COL12A1: variants seen among roughly 807,000 people sequenced by gnomAD.
COL12A1 encodes the protein collagen alpha-1(XII) chain.
In COL12A1, 114 loss-of-function variants were observed where a neutral mutation model predicts 349.7. That is an observed-to-expected ratio of 0.33 (90% CI 0.28 to 0.38). COL12A1 has a LOEUF of 0.38. Among genes scored for constraint, COL12A1 ranks in the 10% least tolerant of loss-of-function variants. COL12A1 has a pLI of 1.00. For synonymous variants in COL12A1, 1,369 were observed against 1,329.0 expected, an observed-to-expected ratio of 1.03 and a Z score of -0.66; for missense variants, 3,284 against 3,756.9, an observed-to-expected ratio of 0.87 and a Z score of 3.29.
chr6:75,199,782 CTT>C (rs897655498), intron 2 of COL12A1, among the ~76,000 whole-genome samples: 1 of 152,168 alleles, frequency 6.6e-6, no homozygotes, highest in African/African-American at 2.4e-5. Context: ...CATTTCCACT[CTT>C]ATTTCTATAG....
intron 13 of COL12A1, among the ~76,000 whole-genome samples, chr6:75,169,603 G>A (rs1768519613): frequency 6.6e-6 from 1 of 151,802 alleles, no homozygotes; most frequent in Non-Finnish European, 1.5e-5. Context: ...GTTTGTTTAG[G>A]GTTTTTTTTG....
chr6:75,097,283 T>C lies in COL12A1; in HGVS notation c.8547A>G (p.Ala2849=), dbSNP rs1768091274. 6.2e-7 allele frequency: 1 copy of C among 1,613,864 alleles called. No individual in the cohort carries two copies. The highest frequency in any genetic ancestry group is 1.3e-5 in the African/African-American group (1 of 74,922). The stretch of plus-strand genomic sequence containing the variant: ...GCCCTGGTGGGCCCCTGGGTCCCAT[T>C]GCACCGTCTTTTCCAGTGAAGCCCT... ...GDRGFTGKDG[A]MGPRGPPGPP... is the part of the protein sequence containing the mutation. Residue 2849 remains alanine (A), a synonymous_variant, in exon 59 of 66, where the codon GCA becomes GCG. Coordinates refer to ENST00000322507, the MANE Select transcript of COL12A1 (RefSeq NM_004370.6).
intron 43 of COL12A1, among the ~76,000 whole-genome samples, chr6:75,121,741 A>G (rs1765744466): frequency 6.6e-6 from 1 of 152,222 alleles, no homozygotes; most frequent in Non-Finnish European, 1.5e-5. Context: ...CAAAGATACA[A>G]TCTTACTTAA....
Position 75,151,987 on chromosome 6 carries a change from C to G in COL12A1, c.3880G>C (p.Ala1294Pro). 1 of 1,613,888 alleles carries G rather than the reference C, an allele frequency of 6.2e-7. No individual in the cohort carries two copies. Among genetic ancestry groups the G allele is most frequent in the East Asian group, 2.2e-5 (1 of 44,876 alleles). The change falls in exon 20 of 66, where the codon GCT (alanine) becomes CCT (proline). Residue 1294 changes from alanine (A) to proline (P), a missense_variant. Physicochemically the swap from Ala to Pro is conservative, Grantham distance 27. Around this residue, in one of 2 missense-constraint regions of COL12A1, gnomAD observed 2,601 missense variants for 2,824.8 expected, o/e 0.92. Coordinates refer to ENST00000322507, the MANE Select transcript of COL12A1 (RefSeq NM_004370.6). ...TTTCGAGCTCGAGGTCTCATGCCAG[C>G]TTGGGTCCTGAAGTTCTGTTGGCGA... ...FIRQQNFRTQ[A>P]GMRPRARKIG...
In COL12A1 at chr6:75,183,410, G is replaced by A. The variant is rs751220055; in HGVS notation, c.1531C>T (p.Pro511Ser). The stretch of plus-strand genomic sequence containing the variant: ...GTATTTGTAGATCCTCCTCTGTAAG[G>A]GAAGGTGTTTATTGCTTCAATTATA... The part of the protein sequence containing the change: ...EDIIEAINTF[P>S]YRGGSTNTGK... Residue 511 changes from proline (P) to serine (S), a missense_variant, in exon 10 of 66, where the codon CCT becomes TCT. Physicochemically the swap from Pro to Ser is moderately conservative, Grantham distance 74. Around this residue, in one of 2 missense-constraint regions of COL12A1, gnomAD observed 2,601 missense variants for 2,824.8 expected, o/e 0.92. Coordinates refer to ENST00000322507, the MANE Select transcript of COL12A1 (RefSeq NM_004370.6). 15 of 1,614,014 alleles carry A rather than the reference G, an allele frequency of 9.3e-6. No homozygotes were observed. The highest frequency in any genetic ancestry group is 1.3e-5 in the Non-Finnish European group (15 of 1,180,040).
intron 3 of COL12A1, among the ~76,000 whole-genome samples, chr6:75,193,513 A>G (rs1366859610): frequency 3.3e-5 from 5 of 152,198 alleles, no homozygotes; most frequent in Admixed American, 6.6e-5. Context: ...ACTGTCAGCC[A>G]GTCAAGACTT....
chr6:75,087,451 A>T, intron 65 of COL12A1, 126 bp downstream of exon 65: 2 of 831,632 alleles, frequency 2.4e-6, no homozygotes, highest in South Asian at 3.4e-5. Flanking sequence ...TTATATAATC[A>T]GAACTGAAAG....
intron 21 of COL12A1, 41 bp downstream of exon 21, chr6:75,151,100 A>C: frequency 7.5e-7 from 1 of 1,337,562 alleles, no homozygotes; most frequent in South Asian, 1.8e-5. Context: ...GGCCCAAAAT[A>C]CCAGCAGTGC....
In COL12A1 at chr6:75,188,480, C is replaced by T. The variant is rs1769749152; in HGVS notation, c.879G>A (p.Leu293=). The T allele has an allele frequency of 8.1e-6, 13 of 1,613,482 alleles. No individual in the cohort carries two copies. The highest frequency in any genetic ancestry group is 1.0e-5 in the Non-Finnish European group (12 of 1,179,620). Residue 293 remains leucine (L), a synonymous_variant, in exon 8 of 66, where the codon CTG becomes CTA. Coordinates refer to ENST00000322507, the MANE Select transcript of COL12A1 (RefSeq NM_004370.6). The part of the protein sequence containing the change: ...ELKQIASTPS[L]NHVFNVANFD... ...AGTTGGCCACATTGAAAACATGGTT[C>T]AGTGAAGGTGTGGAGGCAATTTGTT...
At chr6:75,134,117 T>C (rs1402180471) in intron 32 of COL12A1, 120 bp from the exon 33 acceptor site, 2 of 1,083,340 alleles carry the variant, frequency 1.8e-6, no homozygotes, top group Non-Finnish European at 1.3e-6. Flanking sequence ...AAACATTTGT[T>C]GAAGTAGTGA....
chr6:75,146,476 G>A (rs1767200496), intron 23 of COL12A1, among the ~76,000 whole-genome samples: 2 of 152,178 alleles, frequency 1.3e-5, no homozygotes, highest in South Asian at 2.1e-4. Context: ...GAAGGAAAAT[G>A]TTAAAGTTCA....
At chr6:75,164,922 T>G (rs879656206) in intron 14 of COL12A1, among the ~76,000 whole-genome samples, 2 of 151,612 alleles carry the variant, frequency 1.3e-5, no homozygotes, top group Non-Finnish European at 2.9e-5. Flanking sequence ...TTACCAAATA[T>G]AATAGGAATA....
intron 52 of COL12A1, among the ~76,000 whole-genome samples, chr6:75,108,235 A>G (rs1239242952): frequency 2.0e-5 from 3 of 150,808 alleles, no homozygotes; most frequent in African/African-American, 7.3e-5. Flanking sequence ...ACATGCCACC[A>G]CACTCAGCTG....
chr6:75,144,049 T>C (rs1188383429), intron 25 of COL12A1, among the ~76,000 whole-genome samples: 1 of 152,206 alleles, frequency 6.6e-6, no homozygotes, highest in Non-Finnish European at 1.5e-5. Flanking sequence ...TCATTCTGAC[T>C]CTTTACATCT....
intron 49 of COL12A1, among the ~76,000 whole-genome samples, chr6:75,114,699 A>G (rs1324625347): frequency 1.3e-5 from 2 of 152,084 alleles, no homozygotes; most frequent in Non-Finnish European, 2.9e-5. Context: ...GGGTAAGCTG[A>G]CATGATGTCT....
chr6:75,102,575 T>C, intron 56 of COL12A1, 22 bp downstream of exon 56: 1 of 1,477,004 alleles, frequency 6.8e-7, no homozygotes, highest in Non-Finnish European at 9.0e-7. Context: ...TCTCATTTAA[T>C]ACAGAAAGGC....
chr6:75,113,461 G>A (rs1485585845), intron 50 of COL12A1, 141 bp downstream of exon 50: 2 of 922,834 alleles, frequency 2.2e-6, no homozygotes, highest in Non-Finnish European at 1.5e-6. Context: ...TTACTGATGT[G>A]TTATACTTGG....
At position 75,091,545 on chromosome 6, in the gene COL12A1, T is replaced by G. The variant is rs1281657456; in HGVS notation, c.8650-20A>C. 1.2e-6 allele frequency: 2 copies of G among 1,607,264 alleles called. No individual in the cohort carries two copies. The highest frequency in any genetic ancestry group is 1.7e-6 in the Non-Finnish European group (2 of 1,175,956). ...TGGACCCTGAAAAATATGAATTACA[T>G]ACATTAGAAACTGACAAACATACTC... is the stretch of plus-strand genomic sequence containing the variant. On this transcript the variant is annotated intron_variant, in intron 60 of 65. Coordinates refer to ENST00000322507, the MANE Select transcript of COL12A1 (RefSeq NM_004370.6).
chr6:75,177,039 T>C, intron 12 of COL12A1, among the ~76,000 whole-genome samples: 1 of 152,222 alleles, frequency 6.6e-6, no homozygotes, highest in East Asian at 1.9e-4. Flanking sequence ...CAATGGTGCA[T>C]AGCAGTTTGA....
Sources: gnomAD v4.1 joint callset for allele counts (sites outside exome capture counted in the v4.1 genomes callset) on GRCh38, gnomAD v4.1.1 for gene constraint, gnomAD v4.1.1 regional missense constraint, MANE v1.5 for transcripts, NCBI Gene and HGNC (gene_info 2026-07-23, HGNC 2026-07-21) for gene names.